The following RABGAP1L variants were observed in gnomAD, a reference collection of about 807,000 sequenced individuals.
RABGAP1L encodes the protein rab GTPase-activating protein 1-like.
A neutral mutation model predicts 137.7 loss-of-function variants in RABGAP1L; 63 were observed. The observed-to-expected ratio is 0.46, with a 90% CI of 0.37 to 0.56. RABGAP1L has a LOEUF of 0.56. Ranked by LOEUF, RABGAP1L falls within the 20% of genes least tolerant of loss-of-function variation. The pLI is 0.00. For synonymous variants in RABGAP1L, 431 were observed against 433.7 expected, an observed-to-expected ratio of 0.99 and a Z score of 0.08; for missense variants, 1,095 against 1,244.0, an observed-to-expected ratio of 0.88 and a Z score of 1.80.
intron 11 of RABGAP1L, among the ~76,000 whole-genome samples, chr1:174,349,908 G>A (rs1252517428): frequency 2.0e-4 from 28 of 138,694 alleles, no homozygotes; most frequent in Admixed American, 1.4e-4. Flanking sequence ...CAGGTGGGGG[G>A]CTGACCCCCC....
Position 174,514,588 on chromosome 1 carries a change from G to A in RABGAP1L, c.1710+120443G>A, listed in dbSNP as rs142404735. ...TAAGTAGATGCATAAGAACATTGAG[G>A]CCAAAATTACAGTCCCAGGAGCCTC... On this transcript the variant is annotated intron_variant, in intron 13 of 25. Coordinates refer to ENST00000681986, the MANE Select transcript of RABGAP1L (RefSeq NM_001366446.1). Among the ~76,000 whole-genome samples, 15 of 152,244 alleles carry A rather than the reference G, an allele frequency of 9.9e-5. No homozygotes were observed. The East Asian group carries it at 2.5e-3, about 25-fold the overall frequency.
At position 174,991,165 on chromosome 1, in the gene RABGAP1L, T is replaced by C. The variant is rs575184532; in HGVS notation, c.*1164T>C. 3.3e-5 allele frequency: 5 copies of C among 152,350 alleles called. No individual in the cohort carries two copies. The highest frequency in any genetic ancestry group is 1.2e-4 in the African/African-American group (5 of 41,586). The allele number at this position is 152,350 out of a possible 1,614,324, so 9.4% of individuals were successfully genotyped here. On this transcript the variant is annotated 3_prime_UTR_variant, in exon 26 of 26. Coordinates refer to ENST00000681986, the MANE Select transcript of RABGAP1L (RefSeq NM_001366446.1). ...CTCATGGAAAGGTAAAGCTATTGTT[T>C]AAAAATTAGTGGAAATATTTTTTCA...
chr1:174,739,789 G>A (rs1011907319), intron 17 of RABGAP1L, among the ~76,000 whole-genome samples: 2 of 152,116 alleles, frequency 1.3e-5, no homozygotes, highest in Non-Finnish European at 2.9e-5. Context: ...ATTAATAATG[G>A]CCTATATGCC....
At chr1:174,967,532 A>C (rs1669742826) in intron 20 of RABGAP1L, among the ~76,000 whole-genome samples, 1 of 151,882 alleles carries the variant, frequency 6.6e-6, no homozygotes, top group South Asian at 2.1e-4. Flanking sequence ...AGTGGAGATG[A>C]GGTTTCACCA....
At chr1:174,696,725 C>T (rs919269706) in intron 15 of RABGAP1L, among the ~76,000 whole-genome samples, 2 of 152,206 alleles carry the variant, frequency 1.3e-5, no homozygotes, top group African/African-American at 4.8e-5. Flanking sequence ...GATTCTTTCT[C>T]TACACAGTGC....
intron 11 of RABGAP1L, among the ~76,000 whole-genome samples, chr1:174,316,092 T>A (rs1184509411): frequency 6.6e-6 from 1 of 152,220 alleles, no homozygotes; most frequent in Admixed American, 6.5e-5. Context: ...TCTGAAAAAA[T>A]TATTTCAATC....
chr1:174,740,295 T>C (rs1683284107), intron 17 of RABGAP1L, among the ~76,000 whole-genome samples: 1 of 152,122 alleles, frequency 6.6e-6, no homozygotes, highest in South Asian at 2.1e-4. Context: ...GTGTTTAAGC[T>C]TCACTAACAT....
chr1:174,519,533 T>TA (rs1372664781), intron 13 of RABGAP1L, among the ~76,000 whole-genome samples: 10 of 152,168 alleles, frequency 6.6e-5, no homozygotes, highest in Admixed American at 1.3e-4. Context: ...ACTCCAATGT[T>TA]AATCTCCTTT....
intron 19 of RABGAP1L, among the ~76,000 whole-genome samples, chr1:174,849,194 G>C (rs542242730): frequency 4.9e-4 from 74 of 151,982 alleles, no homozygotes; most frequent in African/African-American, 1.7e-3. Context: ...TCTTCTGCGT[G>C]GCTCACGCTG....
At position 174,615,073 on chromosome 1, in the gene RABGAP1L, C is replaced by G. The variant is rs1398106675; in HGVS notation, c.1711-22302C>G. 5.3e-5 allele frequency among the ~76,000 whole-genome samples: 8 copies of G among 152,346 alleles called. No homozygotes were observed. The South Asian group carries it at 1.0e-3, about 20-fold the overall frequency. Reference sequence around the variant, plus strand: ...TTGATCGTCTGAAGCCTTCTTCTCTCAACTCGTCAAAGTCATTCTCCATCC... The same window carrying G: ...TTGATCGTCTGAAGCCTTCTTCTCTGAACTCGTCAAAGTCATTCTCCATCC... On this transcript the variant is annotated intron_variant, in intron 13 of 25. Transcript: ENST00000681986.
intron 1 of RABGAP1L, among the ~76,000 whole-genome samples, chr1:174,218,833 G>C (rs1221565998): frequency 6.6e-6 from 1 of 152,094 alleles, no homozygotes; most frequent in Non-Finnish European, 1.5e-5. Flanking sequence ...AGAAATGAGA[G>C]TGAGTGTGTC....
intron 13 of RABGAP1L, among the ~76,000 whole-genome samples, chr1:174,494,480 C>T (rs987254903): frequency 1.3e-5 from 2 of 152,112 alleles, no homozygotes; most frequent in Non-Finnish European, 2.9e-5. Flanking sequence ...TCTTGGTTTT[C>T]CATGTGAAAT....
intron 3 of RABGAP1L, among the ~76,000 whole-genome samples, chr1:174,225,494 C>CTTTTTTTTTTTTT (rs59323156): frequency 8.5e-5 from 9 of 105,710 alleles, no homozygotes; most frequent in African/African-American, 2.8e-4. Flanking sequence ...AGAATGTTGA[C>CTTTTTTTTTTTTT]TTTTTTTTTT....
chr1:174,262,103 A>C (rs932570285), intron 7 of RABGAP1L, among the ~76,000 whole-genome samples: 1 of 152,212 alleles, frequency 6.6e-6, no homozygotes, highest in Non-Finnish European at 1.5e-5. Flanking sequence ...TACTTTCATT[A>C]TTCTCTGTTA....
At chr1:174,658,357 A>C (rs1316113901) in intron 14 of RABGAP1L, among the ~76,000 whole-genome samples, 1 of 152,112 alleles carries the variant, frequency 6.6e-6, no homozygotes, top group Non-Finnish European at 1.5e-5. Flanking sequence ...TTTGTGTTGA[A>C]AACTAGGGAT....
chr1:174,231,142 C>A lies in RABGAP1L; in HGVS notation c.332-3C>A. The A allele has an allele frequency of 6.3e-7, 1 of 1,593,540 alleles. No homozygotes were observed. The highest frequency in any genetic ancestry group is 1.1e-5 in the South Asian group (1 of 89,156). On this transcript the variant is annotated splice_polypyrimidine_tract_variant and splice_region_variant and intron_variant, in intron 3 of 25. Coordinates refer to ENST00000681986, the MANE Select transcript of RABGAP1L (RefSeq NM_001366446.1). ...TTGAGTGTTTCTTTTTTTGTTTCTT[C>A]AGAAATTTCTACACCCAGACCATCT...
intron 13 of RABGAP1L, among the ~76,000 whole-genome samples, chr1:174,451,583 G>A (rs1169057948): frequency 6.6e-6 from 1 of 152,226 alleles, no homozygotes; most frequent in East Asian, 1.9e-4. Flanking sequence ...CGCCCATCCA[G>A]TAGGCCTGGG....
At chr1:174,750,102 C>G (rs1684228029) in intron 17 of RABGAP1L, among the ~76,000 whole-genome samples, 1 of 152,096 alleles carries the variant, frequency 6.6e-6, no homozygotes, top group Non-Finnish European at 1.5e-5. Flanking sequence ...ATCTCCTGAC[C>G]TCGTGATCCG....
intron 5 of RABGAP1L, chr1:174,243,006 C>T (rs1671954901): frequency 6.6e-6 from 1 of 152,114 alleles, no homozygotes. Flanking sequence ...ATGGTAGAAT[C>T]CTGGCATTTC....
Sources: allele counts gnomAD v4.1 joint callset (sites outside exome capture counted in the v4.1 genomes callset), GRCh38; gene constraint gnomAD v4.1.1; transcripts MANE v1.5; gene names NCBI Gene and HGNC (gene_info 2026-07-23, HGNC 2026-07-21).